GBE1: variants seen among roughly 807,000 people sequenced by gnomAD.
GBE1 encodes 1,4-alpha-glucan branching enzyme 1.
A neutral mutation model predicts 88.8 loss-of-function variants in GBE1; 70 were observed. The observed-to-expected ratio is 0.79, with a 90% CI of 0.65 to 0.96. The LOEUF (loss-of-function observed/expected upper bound fraction) is 0.96, where lower values mean the gene tolerates loss of function less well. Ranked by LOEUF, GBE1 falls within the 40% of genes least tolerant of loss-of-function variation. The pLI is 0.00. For missense variants in GBE1, 872 were observed against 871.0 expected (o/e 1.00, Z -0.01); for synonymous variants, 284 against 300.1 (o/e 0.95, Z 0.56).
intron 2 of GBE1, among the ~76,000 whole-genome samples, chr3:81,681,919 CAG>C (rs1285268031): frequency 6.6e-6 from 1 of 151,980 alleles, no homozygotes; most frequent in African/African-American, 2.4e-5. Flanking sequence ...ATGAAAAAAA[CAG>C]ATAATCTGAC....
intron 7 of GBE1, among the ~76,000 whole-genome samples, chr3:81,605,318 A>G (rs183158288): frequency 6.6e-6 from 1 of 152,292 alleles, no homozygotes; most frequent in Non-Finnish European, 1.5e-5. Flanking sequence ...TTTTACATAT[A>G]TATAATTTAT....
chr3:81,739,654 C>T (rs1341238619), intron 1 of GBE1, among the ~76,000 whole-genome samples: 3 of 152,108 alleles, frequency 2.0e-5, no homozygotes, highest in African/African-American at 7.2e-5. Flanking sequence ...TTAGGTAACA[C>T]AATAATGTGG....
intron 7 of GBE1, among the ~76,000 whole-genome samples, chr3:81,594,921 G>A (rs566166182): frequency 1.1e-4 from 17 of 151,744 alleles, no homozygotes; most frequent in Middle Eastern, 3.4e-3. Context: ...ACAAAGCTCC[G>A]TAATAGTGTA....
chr3:81,705,310 G>A (rs1327087146), intron 2 of GBE1, 134 bp downstream of exon 2: 2 of 637,684 alleles, frequency 3.1e-6, no homozygotes, highest in African/African-American at 1.9e-5. Flanking sequence ...AAATTCTAAG[G>A]CTCTATCTGA....
intron 7 of GBE1, among the ~76,000 whole-genome samples, chr3:81,632,700 T>C (rs1026016464): frequency 3.9e-5 from 6 of 152,160 alleles, no homozygotes; most frequent in African/African-American, 1.4e-4. Context: ...ATCCCATTAC[T>C]AGGTATATAC....
intron 14 of GBE1, among the ~76,000 whole-genome samples, chr3:81,510,959 A>C (rs1218847350): frequency 6.6e-6 from 1 of 152,088 alleles, no homozygotes; most frequent in East Asian, 1.9e-4. Flanking sequence ...TATGTTAATT[A>C]GCTTGATTGT....
intron 9 of GBE1, among the ~76,000 whole-genome samples, chr3:81,586,851 T>C (rs559260671): frequency 1.5e-3 from 229 of 152,004 alleles, no homozygotes; most frequent in African/African-American, 5.3e-3. Context: ...TACAGTGGCA[T>C]GATATCAGCT....
At chr3:81,663,306 C>T (rs1045959570) in intron 3 of GBE1, among the ~76,000 whole-genome samples, 4 of 152,170 alleles carry the variant, frequency 2.6e-5, no homozygotes, top group Admixed American at 1.3e-4. Flanking sequence ...GGTGGCCAGA[C>T]GTCGAGAGGA....
At chr3:81,538,579 G>A (rs1473207066) in intron 12 of GBE1, among the ~76,000 whole-genome samples, 1 of 151,860 alleles carries the variant, frequency 6.6e-6, no homozygotes, top group African/African-American at 2.4e-5. Flanking sequence ...ATATTTAAAG[G>A]TCCTGTCTAG....
intron 14 of GBE1, chr3:81,509,602 T>G (rs985093755): frequency 6.6e-6 from 1 of 151,914 alleles, no homozygotes; most frequent in African/African-American, 2.4e-5. Context: ...ATATAGGACC[T>G]AGATTAGAAT....
At chr3:81,692,972 G>C (rs891191275) in intron 2 of GBE1, among the ~76,000 whole-genome samples, 1 of 152,082 alleles carries the variant, frequency 6.6e-6, no homozygotes, top group Admixed American at 6.6e-5. Context: ...GCTTTGCTAT[G>C]ACTGATGATG....
rs564382801 is a variant in GBE1, at chr3:81,644,125, A to G, written c.783-1135T>C. 3.3e-5 allele frequency among the ~76,000 whole-genome samples: 5 copies of G among 152,146 alleles called. No individual in the cohort carries two copies. The East Asian group carries it at 9.7e-4, about 29-fold the overall frequency. ...TTGCCACTTACTAAAGTCATCTACC[A>G]CGTACCATGACATTTTCTATGTTCT... On this transcript the variant is annotated intron_variant, in intron 6 of 15. Coordinates refer to ENST00000429644, the MANE Select transcript of GBE1 (RefSeq NM_000158.4).
At chr3:81,736,635 G>A (rs1706260287) in intron 1 of GBE1, among the ~76,000 whole-genome samples, 1 of 152,186 alleles carries the variant, frequency 6.6e-6, no homozygotes, top group South Asian at 2.1e-4. Context: ...AGAGGTAAAT[G>A]TACAGTTAAA....
intron 1 of GBE1, among the ~76,000 whole-genome samples, chr3:81,720,489 T>C (rs1706012504): frequency 1.3e-5 from 2 of 152,180 alleles, no homozygotes; most frequent in African/African-American, 2.4e-5. Context: ...GTCCTCTGCA[T>C]TGTGTGCATG....
rs141920028 is a variant in GBE1 at position 81,605,876 on chromosome 3, AC to A, written c.993-11854del. 8.3e-4 allele frequency among the ~76,000 whole-genome samples: 127 copies of A among 152,290 alleles called. 1 individual carries two copies. The East Asian group carries it at 0.02, about 24-fold the overall frequency. On this transcript the variant is annotated intron_variant, in intron 7 of 15. Transcript: ENST00000429644. ...AACAGGCAGCACTCACACTTGGCCC[AC>A]AAGCAATATCCTTTGCAGACCCCTG...
At chr3:81,666,983 T>C (rs1251201301) in intron 3 of GBE1, among the ~76,000 whole-genome samples, 2 of 152,166 alleles carry the variant, frequency 1.3e-5, no homozygotes, top group African/African-American at 4.8e-5. Context: ...GAAAAATAGG[T>C]TTAGAGATGA....
chr3:81,508,406 C>T (rs1270531975), intron 14 of GBE1, among the ~76,000 whole-genome samples: 2 of 152,160 alleles, frequency 1.3e-5, no homozygotes, highest in South Asian at 2.1e-4. Context: ...ATCCAAAGAA[C>T]TTGTAAATTC....
intron 1 of GBE1, among the ~76,000 whole-genome samples, chr3:81,713,895 G>A (rs911341226): frequency 3.3e-5 from 5 of 152,118 alleles, no homozygotes; most frequent in Admixed American, 2.6e-4. Flanking sequence ...AAGCATTACT[G>A]AGAGTCTACT....
At chr3:81,548,967 T>C (rs1043269761) in intron 12 of GBE1, among the ~76,000 whole-genome samples, 4 of 151,176 alleles carry the variant, frequency 2.6e-5, no homozygotes, top group Non-Finnish European at 5.9e-5. Flanking sequence ...TGAACAAAAT[T>C]TGAAACATAT....
Sources: gnomAD v4.1 joint callset for allele counts (sites outside exome capture counted in the v4.1 genomes callset) on GRCh38, gnomAD v4.1.1 for gene constraint, MANE v1.5 for transcripts, NCBI Gene and HGNC (gene_info 2026-07-23, HGNC 2026-07-21) for gene names.